Variants in RPS6KC1 observed in about 807,000 individuals in gnomAD.
RPS6KC1 encodes inactive ribosomal protein S6 kinase delta-1.
RPS6KC1 carries 54 observed loss-of-function variants against 103.8 expected under a neutral mutation model. The ratio of observed to expected loss-of-function variants is 0.52; its 90% CI spans 0.42 to 0.65. The LOEUF is 0.65. RPS6KC1 is among the 30% of genes least tolerant of loss of function. The pLI, the probability that RPS6KC1 is intolerant of heterozygous loss-of-function variation, is 0.00. For missense variants in RPS6KC1, 1,151 were observed against 1,253.8 expected (o/e 0.92, Z 1.24); for synonymous variants, 439 against 438.7 (o/e 1.00, Z -0.01).
chr1:213,788,689 G>T, the RPS6KC1 span, among the ~76,000 whole-genome samples: 123 of 152,288 alleles, frequency 8.1e-4, no homozygotes, highest in African/African-American at 2.8e-3. Context: ...ACACCATGCG[G>T]ATGGCCCAAG....
At chr1:213,132,207 G>A (rs1001468559) in intron 6 of RPS6KC1, among the ~76,000 whole-genome samples, 1 of 152,146 alleles carries the variant, frequency 6.6e-6, no homozygotes, top group African/African-American at 2.4e-5. Context: ...ATTTAACCAT[G>A]TATCTCCTAT....
At chr1:213,607,795 G>A in the RPS6KC1 span, among the ~76,000 whole-genome samples, 1 of 151,926 alleles carries the variant, frequency 6.6e-6, no homozygotes, top group Admixed American at 6.6e-5. Flanking sequence ...TGCGTGTTGG[G>A]GATTGGGCAC....
chr1:213,548,904 G>A, the RPS6KC1 span, among the ~76,000 whole-genome samples: 1 of 152,126 alleles, frequency 6.6e-6, no homozygotes, highest in Non-Finnish European at 1.5e-5. Context: ...CATAAGAATT[G>A]TAAGTTAAAG....
At chr1:213,459,085 G>T in the RPS6KC1 span, among the ~76,000 whole-genome samples, 1 of 152,098 alleles carries the variant, frequency 6.6e-6, no homozygotes, top group Admixed American at 6.5e-5. Flanking sequence ...TTGTGTCTCT[G>T]CCAGGTTTTG....
At chr1:213,392,681 A>C in the RPS6KC1 span, among the ~76,000 whole-genome samples, 1 of 152,180 alleles carries the variant, frequency 6.6e-6, no homozygotes, top group Non-Finnish European at 1.5e-5. Context: ...TGCTCCTGCT[A>C]TATGTGATTA....
chr1:213,098,643 C>T (rs867893572), intron 3 of RPS6KC1, among the ~76,000 whole-genome samples: 1 of 151,956 alleles, frequency 6.6e-6, no homozygotes, highest in Non-Finnish European at 1.5e-5. Context: ...ACTAAGTTTG[C>T]GTTTTATATT....
the RPS6KC1 span, among the ~76,000 whole-genome samples, chr1:213,845,169 A>C: frequency 6.6e-6 from 1 of 152,192 alleles, no homozygotes; most frequent in Non-Finnish European, 1.5e-5. Context: ...ATAAATAATC[A>C]GTTAAAATTC....
chr1:213,624,942 A>G, the RPS6KC1 span, among the ~76,000 whole-genome samples: 1 of 152,156 alleles, frequency 6.6e-6, no homozygotes, highest in Non-Finnish European at 1.5e-5. Context: ...TATAGCATAG[A>G]TTAAGCATGT....
chr1:213,529,526 A>G, the RPS6KC1 span, among the ~76,000 whole-genome samples: 1 of 152,214 alleles, frequency 6.6e-6, no homozygotes, highest in African/African-American at 2.4e-5. Context: ...ACACACAGAA[A>G]CACAAAGATG....
intron 8 of RPS6KC1, among the ~76,000 whole-genome samples, chr1:213,198,100 G>C (rs1378156766): frequency 1.3e-5 from 2 of 152,018 alleles, no homozygotes; most frequent in Non-Finnish European, 2.9e-5. Flanking sequence ...TCGATGTTTT[G>C]TTTTAAGATT....
At chr1:213,519,407 G>C in the RPS6KC1 span, among the ~76,000 whole-genome samples, 573 of 152,242 alleles carry the variant, frequency 3.8e-3, 3 homozygotes, top group African/African-American at 0.013. Flanking sequence ...AAAAGAAAGA[G>C]GTTTTTCAGA....
chr1:213,120,813 A>C (rs954648814), intron 5 of RPS6KC1, among the ~76,000 whole-genome samples: 5 of 152,302 alleles, frequency 3.3e-5, no homozygotes, highest in African/African-American at 9.6e-5. Context: ...AGTTAGAGTG[A>C]CATGGCAAGT....
At chr1:213,537,484 GATA>G in the RPS6KC1 span, among the ~76,000 whole-genome samples, 1 of 152,158 alleles carries the variant, frequency 6.6e-6, no homozygotes, top group Non-Finnish European at 1.5e-5. Flanking sequence ...ACAAACCTGG[GATA>G]ATAACACTCA....
intron 8 of RPS6KC1, among the ~76,000 whole-genome samples, chr1:213,203,189 T>A (rs534111804): frequency 2.6e-5 from 4 of 152,244 alleles, no homozygotes; most frequent in African/African-American, 9.6e-5. Flanking sequence ...TTGGGGATAT[T>A]TGTATTATAT....
chr1:213,228,420 T>G (rs1216212290), intron 8 of RPS6KC1, among the ~76,000 whole-genome samples: 2 of 152,150 alleles, frequency 1.3e-5, no homozygotes, highest in East Asian at 3.9e-4. Flanking sequence ...AGAATAGGAA[T>G]GGTAAAATTA....
At chr1:213,715,754 C>T in the RPS6KC1 span, among the ~76,000 whole-genome samples, 1 of 152,110 alleles carries the variant, frequency 6.6e-6, no homozygotes, top group South Asian at 2.1e-4. Context: ...TCATTATTGG[C>T]ATTTGTAAGA....
chr1:213,808,333 C>A, the RPS6KC1 span, among the ~76,000 whole-genome samples: 12 of 152,362 alleles, frequency 7.9e-5, no homozygotes, highest in Admixed American at 7.2e-4. Flanking sequence ...ACATTTAAGT[C>A]TGCAGAGGTT....
At chr1:213,526,543 G>A in the RPS6KC1 span, among the ~76,000 whole-genome samples, 4 of 152,292 alleles carry the variant, frequency 2.6e-5, no homozygotes, top group Non-Finnish European at 5.9e-5. Flanking sequence ...GGGAGATTAG[G>A]TGTGAAAAAT....
the RPS6KC1 span, among the ~76,000 whole-genome samples, chr1:213,802,485 A>G: frequency 6.6e-6 from 1 of 152,218 alleles, no homozygotes; most frequent in Non-Finnish European, 1.5e-5. Flanking sequence ...TTGACCTCCA[A>G]TAGAGACACA....
Sources: gnomAD v4.1 joint callset for allele counts (sites outside exome capture counted in the v4.1 genomes callset) on GRCh38, gnomAD v4.1.1 for gene constraint, MANE v1.5 for transcripts, NCBI Gene and HGNC (gene_info 2026-07-23, HGNC 2026-07-21) for gene names.